The following MBOAT1 variants were observed in gnomAD, a reference collection of about 807,000 sequenced individuals.
The protein encoded by MBOAT1 is membrane-bound glycerophospholipid O-acyltransferase 1.
MBOAT1 carries 67 observed loss-of-function variants against 64.4 expected under a neutral mutation model. That is an observed-to-expected ratio of 1.04 (90% confidence interval 0.85 to 1.27). The LOEUF is 1.27. Among genes scored for constraint, MBOAT1 ranks in the 50% most tolerant of loss-of-function variants. MBOAT1 has a pLI of 0.00. For missense variants in MBOAT1, 563 were observed against 604.6 expected, an observed-to-expected ratio of 0.93 and a Z score of 0.72; for synonymous variants, 229 against 218.9, an observed-to-expected ratio of 1.05 and a Z score of -0.41.
At chr6:20,201,774 G>T (rs761722693) in intron 1 of MBOAT1, among the ~76,000 whole-genome samples, 1 of 151,790 alleles carries the variant, frequency 6.6e-6, no homozygotes, top group Admixed American at 6.6e-5. Flanking sequence ...AGAGATGGGG[G>T]TTTCACCATG....
At chr6:20,118,616 G>T (rs1275664164) in intron 8 of MBOAT1, 76 bp from the exon 9 acceptor site, 4 of 1,178,226 alleles carry the variant, frequency 3.4e-6, no homozygotes, top group Non-Finnish European at 3.7e-6. Context: ...CTAAATATCT[G>T]TCTAGCTTCA....
intron 12 of MBOAT1, among the ~76,000 whole-genome samples, chr6:20,108,438 A>G (rs1760023492): frequency 6.6e-6 from 1 of 152,240 alleles, no homozygotes; most frequent in South Asian, 2.1e-4. Flanking sequence ...CTCCTAGTAT[A>G]AAAGCATATA....
chr6:20,201,256 G>C (rs1763115750), intron 1 of MBOAT1, among the ~76,000 whole-genome samples: 1 of 151,246 alleles, frequency 6.6e-6, no homozygotes, highest in South Asian at 2.1e-4. Flanking sequence ...AGAAAAGGCA[G>C]AAAGGAAGTT....
Position 20,126,604 on chromosome 6 carries a change from G to A in MBOAT1, c.627C>T (p.Phe209=), listed in dbSNP as rs1254947290. 6.2e-7 allele frequency: 1 copy of A among 1,613,824 alleles called. No individual in the cohort carries two copies. The highest frequency in any genetic ancestry group is 1.3e-5 in the African/African-American group (1 of 74,902). Reference sequence around the variant, plus strand: ...TCATGTGTATATGCTTCCCCTCAATGAAGGCTATGTAGTCCTTGAAATTGT... The same window carrying A: ...TCATGTGTATATGCTTCCCCTCAATAAAGGCTATGTAGTCCTTGAAATTGT... ...PCNNFKDYIA[F]IEGKHIHMKL... Residue 209 remains phenylalanine (F), a synonymous_variant, in exon 7 of 13, where the codon TTC becomes TTT. Coordinates refer to ENST00000324607, the MANE Select transcript of MBOAT1 (RefSeq NM_001080480.3).
rs938740002 is a variant in MBOAT1, at chr6:20,116,336, AAAAAAT to A, written c.1012-990_1012-985del. On this transcript the variant is annotated intron_variant, in intron 9 of 12. Transcript: ENST00000324607. ...AACATGGCAAGACTCCATCTCAAAA[AAAAAAT>A]AAAAATAAAAATAAAAATAACCGTG... Among the ~76,000 whole-genome samples, 8 of 152,228 alleles carry A rather than the reference AAAAAAT, an allele frequency of 5.3e-5. No individual in the cohort carries two copies. The South Asian group carries it at 6.2e-4, about 12-fold the overall frequency.
intron 1 of MBOAT1, among the ~76,000 whole-genome samples, chr6:20,176,119 AC>A (rs1317407511): frequency 3.9e-5 from 6 of 152,162 alleles, no homozygotes; most frequent in African/African-American, 1.4e-4. Context: ...ACCTGTCTCT[AC>A]AAAAAGTAAA....
intron 1 of MBOAT1, among the ~76,000 whole-genome samples, chr6:20,183,692 A>G (rs775250994): frequency 1.2e-4 from 19 of 152,244 alleles, no homozygotes; most frequent in Admixed American, 3.9e-4. Context: ...TGACTGCACA[A>G]AAGTATTGCT....
chr6:20,186,809 C>T (rs933281817), intron 1 of MBOAT1, among the ~76,000 whole-genome samples: 5 of 152,178 alleles, frequency 3.3e-5, no homozygotes, highest in African/African-American at 1.2e-4. Context: ...GCCACAGAGA[C>T]TTGGGTCAGG....
rs552714439 is a variant in MBOAT1 at position 20,163,652 on chromosome 6, T to C, written c.100-10883A>G. On this transcript the variant is annotated intron_variant, in intron 1 of 12. Coordinates refer to ENST00000324607, the MANE Select transcript of MBOAT1 (RefSeq NM_001080480.3). ...ATGATTCAATATCTCACTTTCCAGATGAAGGAACTGGAGCCCCGAGCCAGT... is the reference window on the plus strand; with the variant it reads ...ATGATTCAATATCTCACTTTCCAGACGAAGGAACTGGAGCCCCGAGCCAGT... Among the ~76,000 whole-genome samples the C allele has an allele frequency of 4.0e-4, 61 of 152,290 alleles. 1 individual carries two copies. The highest frequency in any genetic ancestry group is 7.8e-4 in the Admixed American group (12 of 15,304).
intron 1 of MBOAT1, among the ~76,000 whole-genome samples, chr6:20,184,884 T>G (rs1427006750): frequency 8.0e-6 from 1 of 125,684 alleles, no homozygotes; most frequent in African/African-American, 3.4e-5. Context: ...AACTGCAGTG[T>G]GTGTGTGTGT....
chr6:20,156,994 T>C (rs901224488), intron 1 of MBOAT1, among the ~76,000 whole-genome samples: 7 of 151,960 alleles, frequency 4.6e-5, no homozygotes, highest in Non-Finnish European at 8.8e-5. Context: ...TAAAAACAGG[T>C]ATTATAGGCT....
At chr6:20,127,987 C>A (rs2113654775) in intron 6 of MBOAT1, among the ~76,000 whole-genome samples, 1 of 152,174 alleles carries the variant, frequency 6.6e-6, no homozygotes, top group East Asian at 1.9e-4. Flanking sequence ...CTTCCAAGTC[C>A]CAATTCCTTA....
At chr6:20,190,025 C>G (rs771089865) in intron 1 of MBOAT1, among the ~76,000 whole-genome samples, 1 of 151,562 alleles carries the variant, frequency 6.6e-6, no homozygotes, top group Non-Finnish European at 1.5e-5. Context: ...GAGAGAGTCT[C>G]ACTCTGTCAC....
At chr6:20,138,820 CT>C (rs1358174261) in intron 4 of MBOAT1, among the ~76,000 whole-genome samples, 1 of 152,190 alleles carries the variant, frequency 6.6e-6, no homozygotes, top group African/African-American at 2.4e-5. Flanking sequence ...ACAAAAATGT[CT>C]TCTCTCACAG....
intron 7 of MBOAT1, among the ~76,000 whole-genome samples, chr6:20,125,639 C>T (rs1475382898): frequency 6.6e-6 from 1 of 152,204 alleles, no homozygotes; most frequent in African/African-American, 2.4e-5. Flanking sequence ...ACTTTGGTGT[C>T]TCTCACAACC....
At chr6:20,119,045 G>C (rs1297281005) in intron 8 of MBOAT1, among the ~76,000 whole-genome samples, 1 of 152,188 alleles carries the variant, frequency 6.6e-6, no homozygotes, top group Non-Finnish European at 1.5e-5. Flanking sequence ...CTCCGCAAGA[G>C]TGATTGGAGC....
intron 1 of MBOAT1, among the ~76,000 whole-genome samples, chr6:20,176,552 T>C (rs58016237): frequency 0.14 from 21,503 of 152,250 alleles, 1,596 homozygotes; most frequent in Non-Finnish European, 0.16. Flanking sequence ...ATATTAATAC[T>C]GATAACAGTG....
intron 1 of MBOAT1, among the ~76,000 whole-genome samples, chr6:20,164,174 TAC>T (rs35199956): frequency 0.3 from 44,610 of 147,354 alleles, 7,019 homozygotes; most frequent in East Asian, 0.49. Context: ...TATGTGCATG[TAC>T]ACACACACAC....
chr6:20,197,391 C>T (rs1445444403), intron 1 of MBOAT1, among the ~76,000 whole-genome samples: 2 of 152,160 alleles, frequency 1.3e-5, no homozygotes, highest in Non-Finnish European at 2.9e-5. Flanking sequence ...TCACAATCTG[C>T]CCACCAGGAA....
Sources: gnomAD v4.1 joint callset for allele counts (sites outside exome capture counted in the v4.1 genomes callset) on GRCh38, gnomAD v4.1.1 for gene constraint, MANE v1.5 for transcripts, NCBI Gene and HGNC (gene_info 2026-07-23, HGNC 2026-07-21) for gene names.